Variants in CCNY observed in about 807,000 individuals in gnomAD.
CCNY encodes the protein cyclin-Y.
Under a neutral mutation model 42.8 loss-of-function variants are expected in CCNY, and 19 were observed. The observed-to-expected ratio is 0.44, with a 90% confidence interval of 0.31 to 0.65. The LOEUF (loss-of-function observed/expected upper bound fraction) is 0.65. CCNY is among the 30% of genes least tolerant of loss of function. CCNY has a pLI of 0.07. For missense variants in CCNY, 370 were observed against 437.3 expected (o/e 0.85, Z 1.37); for synonymous variants, 165 against 162.7 (o/e 1.01, Z -0.11).
At chr10:35,373,333 T>C (rs781124622) in intron 1 of CCNY, among the ~76,000 whole-genome samples, 1 of 152,220 alleles carries the variant, frequency 6.6e-6, no homozygotes, top group Non-Finnish European at 1.5e-5. Context: ...AGGTGCTTAG[T>C]AGACCATGCT....
chr10:35,332,365 G>C (rs563904936), upstream of CCNY: 1 of 152,286 alleles, frequency 6.6e-6, no homozygotes, highest in Admixed American at 6.5e-5. Context: ...TTGTGCAAAT[G>C]ACTGACTCAT....
intron 1 of CCNY, among the ~76,000 whole-genome samples, chr10:35,460,999 G>A (rs1255577732): frequency 5.3e-5 from 8 of 152,132 alleles, no homozygotes; most frequent in Admixed American, 5.2e-4. Context: ...GTGGGGAGCA[G>A]TGGGCAGGGG....
intron 3 of CCNY, among the ~76,000 whole-genome samples, chr10:35,254,283 A>G (rs958672325): frequency 3.3e-5 from 5 of 152,184 alleles, no homozygotes; most frequent in Non-Finnish European, 5.9e-5. Flanking sequence ...TTAATTCACC[A>G]TCAGTAAATG....
intron 3 of CCNY, among the ~76,000 whole-genome samples, chr10:35,256,777 A>T (rs2095715838): frequency 6.6e-6 from 1 of 151,658 alleles, no homozygotes; most frequent in African/African-American, 2.4e-5. Context: ...ACTCCTTTAT[A>T]GCTAGGTCCT....
chr10:35,472,948 C>T (rs945144842), intron 1 of CCNY, among the ~76,000 whole-genome samples: 6 of 152,068 alleles, frequency 3.9e-5, no homozygotes, highest in African/African-American at 1.4e-4. Flanking sequence ...AGTGGAGACT[C>T]AATGCATGTT....
intron 3 of CCNY, among the ~76,000 whole-genome samples, chr10:35,329,358 T>C (rs1835914933): frequency 6.6e-6 from 1 of 152,184 alleles, no homozygotes; most frequent in Non-Finnish European, 1.5e-5. Context: ...GAGATCATCC[T>C]GGCTAACATG....
rs201387060 is a variant in CCNY, at chr10:35,324,266, C to T, written c.-9+73640C>T. Among the ~76,000 whole-genome samples, 17 of 152,306 alleles carry T rather than the reference C, an allele frequency of 1.1e-4. No individual in the cohort carries two copies. In the East Asian group the frequency reaches 3.3e-3, roughly 29 times the overall value. ...AGATTTAGCCCTATTACTGCCCACT[C>T]TGAAGCCAAGTCTCTTACTCCTCTG... is the stretch of plus-strand genomic sequence containing the variant. On this transcript the variant is annotated intron_variant, in intron 3 of 11. Transcript: ENST00000374706.
At chr10:35,411,512 CAAAAAAAAA>C (rs59117826) in intron 1 of CCNY, among the ~76,000 whole-genome samples, 3 of 61,394 alleles carry the variant, frequency 4.9e-5, no homozygotes, top group Non-Finnish European at 9.2e-5. Context: ...AAGACTCTGT[CAAAAAAAAA>C]AAAAAAAAAA....
intron 3 of CCNY, among the ~76,000 whole-genome samples, chr10:35,306,083 GGAGTGCAGT>G (rs1835603090): frequency 1.3e-5 from 2 of 152,114 alleles, no homozygotes; most frequent in Admixed American, 1.3e-4. Flanking sequence ...TGCCCAGCCT[GGAGTGCAGT>G]GGTGCAATCT....
chr10:35,321,964 G>A (rs1011031593), intron 3 of CCNY, among the ~76,000 whole-genome samples: 1 of 152,042 alleles, frequency 6.6e-6, no homozygotes, highest in Non-Finnish European at 1.5e-5. Context: ...AAATGGTACC[G>A]GAAAAACTGG....
At chr10:35,409,138 A>T (rs1328994384) in intron 1 of CCNY, among the ~76,000 whole-genome samples, 2 of 152,048 alleles carry the variant, frequency 1.3e-5, no homozygotes, top group Non-Finnish European at 2.9e-5. Flanking sequence ...TGCAACCAGG[A>T]GTTGTCAAGC....
intron 1 of CCNY, among the ~76,000 whole-genome samples, chr10:35,358,922 A>G (rs571298586): frequency 4.6e-5 from 7 of 152,322 alleles, no homozygotes; most frequent in African/African-American, 1.7e-4. Flanking sequence ...CCAGGAGGCA[A>G]TGAGGACCTG....
intron 1 of CCNY, among the ~76,000 whole-genome samples, chr10:35,441,663 G>A (rs985648977): frequency 6.6e-6 from 1 of 152,156 alleles, no homozygotes; most frequent in African/African-American, 2.4e-5. Context: ...TGGGAGGATT[G>A]CTTGAGCCCA....
upstream of CCNY, chr10:35,336,168 C>A (rs1836021000): frequency 6.6e-6 from 1 of 152,302 alleles, no homozygotes; most frequent in East Asian, 1.9e-4. Context: ...GGCCTGCGTC[C>A]CCGACCGGGC....
At chr10:35,449,806 C>CG (rs2135310963) in intron 1 of CCNY, 1 of 985,196 alleles carries the variant, frequency 1.0e-6, no homozygotes, top group African/African-American at 1.7e-5. Flanking sequence ...CTCAGCTGAA[C>CG]GGACAGTAAG....
chr10:35,401,079 G>A, intron 1 of CCNY, among the ~76,000 whole-genome samples: 1 of 152,228 alleles, frequency 6.6e-6, no homozygotes, highest in Non-Finnish European at 1.5e-5. Context: ...GGCCGGCCCC[G>A]GCCCAGGTGG....
chr10:35,294,983 C>T (rs1232778891), intron 3 of CCNY, among the ~76,000 whole-genome samples: 1 of 151,792 alleles, frequency 6.6e-6, no homozygotes, highest in Non-Finnish European at 1.5e-5. Context: ...GCTTTTTAGC[C>T]ATCTGTCTAT....
chr10:35,350,747 CAA>C (rs1188394010), intron 1 of CCNY, among the ~76,000 whole-genome samples: 1 of 152,174 alleles, frequency 6.6e-6, no homozygotes, highest in Admixed American at 6.5e-5. Flanking sequence ...TATTTGATCT[CAA>C]GAGTCACTTC....
chr10:35,291,842 G>A (rs954870353), intron 3 of CCNY, among the ~76,000 whole-genome samples: 2 of 152,014 alleles, frequency 1.3e-5, no homozygotes, highest in African/African-American at 2.4e-5. Context: ...GCTTGTGTAT[G>A]ACTTTTTGTG....
Sources: allele counts gnomAD v4.1 joint callset (sites outside exome capture counted in the v4.1 genomes callset), GRCh38; gene constraint gnomAD v4.1.1; transcripts MANE v1.5; gene names NCBI Gene and HGNC (gene_info 2026-07-23, HGNC 2026-07-21).